Variants in TANC2 observed in about 807,000 individuals in gnomAD.
TANC2 encodes tetratricopeptide repeat, ankyrin repeat and coiled-coil containing 2, also known as protein TANC2.
TANC2 carries 26 observed loss-of-function variants against 210.5 expected under a neutral mutation model. That is an observed-to-expected ratio of 0.12 (90% CI 0.09 to 0.17). TANC2 has a LOEUF of 0.17. Among genes scored for constraint, TANC2 ranks in the 10% least tolerant of loss-of-function variants. The pLI is 1.00. For missense variants in TANC2, 2,129 were observed against 2,608.9 expected, an observed-to-expected ratio of 0.82 and a Z score of 4.01; for synonymous variants, 931 against 967.1, an observed-to-expected ratio of 0.96 and a Z score of 0.69.
In TANC2 at chr17:63,412,800, A is replaced by T; in HGVS notation, c.3928+91A>T. 1.4e-6 allele frequency: 2 copies of T among 1,421,126 alleles called. No homozygotes were observed. Among genetic ancestry groups the T allele is most frequent in the Admixed American group, 2.4e-5 (1 of 40,900 alleles). The allele number at this position is 1,421,126 out of a possible 1,614,324, so 88.0% of individuals were successfully genotyped here. ...TTGGTTTAGCCTGCATGAGTTCCCT[A>T]CACCTCTAATCTTTTAATTTACTTC... On this transcript the variant is annotated intron_variant, in intron 24 of 27. Transcript: ENST00000689528. The surrounding 1 kb of genome is among the most constrained non-coding windows in gnomAD (Gnocchi z 4.2).
intron 14 of TANC2, among the ~76,000 whole-genome samples, chr17:63,356,491 G>A (rs762471241): frequency 6.6e-6 from 1 of 152,136 alleles, no homozygotes; most frequent in Non-Finnish European, 1.5e-5. Context: ...GCCCTTCACC[G>A]TGTCCTTCAC....
chr17:63,363,811 G>A (rs773445855), intron 14 of TANC2, among the ~76,000 whole-genome samples: 2 of 152,128 alleles, frequency 1.3e-5, no homozygotes, highest in Non-Finnish European at 2.9e-5. Flanking sequence ...TCTTGCTTAG[G>A]ATAGCTTTGG....
rs181397580 is a variant in TANC2, at chr17:63,195,044, A to G, written c.582+905A>G. Reference sequence around the variant, plus strand: ...TAGTGAAGAGTCTATATCACATACTACTTTTGTTACAATGAGATATACAAG... The same window carrying G: ...TAGTGAAGAGTCTATATCACATACTGCTTTTGTTACAATGAGATATACAAG... On this transcript the variant is annotated intron_variant, in intron 6 of 27. Coordinates refer to ENST00000689528, the Ensembl canonical transcript of TANC2. Among the ~76,000 whole-genome samples, 5 of 152,244 alleles carry G rather than the reference A, an allele frequency of 3.3e-5. No homozygotes were observed. The East Asian group carries it at 9.6e-4, about 29-fold the overall frequency.
chr17:63,352,925 T>G (rs1485917628), intron 13 of TANC2, among the ~76,000 whole-genome samples: 1 of 151,900 alleles, frequency 6.6e-6, no homozygotes, highest in Non-Finnish European at 1.5e-5. Context: ...AAAAAACAAA[T>G]GAGCAAAAAG....
chr17:63,022,677 T>G (rs2034399042), intron 2 of TANC2, among the ~76,000 whole-genome samples: 1 of 152,168 alleles, frequency 6.6e-6, no homozygotes, highest in Non-Finnish European at 1.5e-5. Flanking sequence ...TTGAGAGACC[T>G]TGGAGGCTGT....
chr17:63,285,718 CAT>C (rs1567882274), intron 9 of TANC2, among the ~76,000 whole-genome samples: 2 of 152,190 alleles, frequency 1.3e-5, no homozygotes, highest in South Asian at 2.1e-4. Context: ...GTTGTGACAA[CAT>C]GTGTGAAATA....
At chr17:62,987,554 G>A (rs955888376) in intron 1 of TANC2, among the ~76,000 whole-genome samples, 7 of 152,340 alleles carry the variant, frequency 4.6e-5, no homozygotes, top group African/African-American at 1.4e-4. Context: ...TGTGGTGGCA[G>A]TGGGGACTAG....
chr17:63,257,963 A>G (rs2043246505), intron 8 of TANC2, among the ~76,000 whole-genome samples: 1 of 152,158 alleles, frequency 6.6e-6, no homozygotes, highest in Admixed American at 6.5e-5. Flanking sequence ...TGTACCTAAG[A>G]TAATTTCTTA....
intron 5 of TANC2, among the ~76,000 whole-genome samples, chr17:63,184,692 C>CGCCCATGCTGGAGTGCAATG (rs1458115246): frequency 1.4e-5 from 2 of 145,670 alleles, no homozygotes; most frequent in Non-Finnish European, 3.0e-5. Context: ...CTTGCTCTGT[C>CGCCCATGCTGGAGTGCAATG]GCCCATGCTG....
intron 4 of TANC2, among the ~76,000 whole-genome samples, chr17:63,147,312 T>C (rs112578419): frequency 6.6e-6 from 1 of 151,968 alleles, no homozygotes; most frequent in African/African-American, 2.4e-5. Flanking sequence ...ATCACACCAC[T>C]GCACTCTCGC....
chr17:63,262,704 G>A (rs1173980138), intron 8 of TANC2, among the ~76,000 whole-genome samples: 5 of 151,774 alleles, frequency 3.3e-5, no homozygotes, highest in East Asian at 1.9e-4. Flanking sequence ...GTTAAAGCAG[G>A]AGGCATTGGA....
chr17:63,327,490 G>T (rs565573239), intron 11 of TANC2, among the ~76,000 whole-genome samples: 1 of 152,228 alleles, frequency 6.6e-6, no homozygotes, highest in East Asian at 1.9e-4. Context: ...CTTTAAGTGT[G>T]TTATTTTTTT....
chr17:63,332,519 T>C, intron 11 of TANC2: 1 of 393,260 alleles, frequency 2.5e-6, no homozygotes, highest in Admixed American at 2.8e-5. Context: ...CCCCACTGGA[T>C]TTAGAAATGC....
At chr17:63,064,865 C>CT (rs571504948) in intron 2 of TANC2, among the ~76,000 whole-genome samples, 8,257 of 145,256 alleles carry the variant, frequency 0.057, 248 homozygotes, top group Non-Finnish European at 0.067. Context: ...ATGTCTCAAA[C>CT]TTTTTTTTTT....
At chr17:63,358,376 A>AGT (rs1555641221) in intron 14 of TANC2, among the ~76,000 whole-genome samples, 31 of 81,044 alleles carry the variant, frequency 3.8e-4, no homozygotes, top group Admixed American at 2.7e-3. Flanking sequence ...AGAGAGAGAG[A>AGT]GTATGTGTGT....
At chr17:63,009,511 A>T in intron 1 of TANC2, 26 bp from the exon 2 acceptor site, 1 of 1,547,956 alleles carries the variant, frequency 6.5e-7, no homozygotes. Flanking sequence ...TTTCTTAAAC[A>T]CATTTTCCTA....
intron 2 of TANC2, among the ~76,000 whole-genome samples, chr17:63,033,775 A>G (rs2034865689): frequency 6.6e-6 from 1 of 152,154 alleles, no homozygotes; most frequent in Non-Finnish European, 1.5e-5. Context: ...TGGGTTATCC[A>G]GGGGATGTTA....
chr17:63,109,294 A>G (rs2037944115), intron 4 of TANC2, among the ~76,000 whole-genome samples: 1 of 151,730 alleles, frequency 6.6e-6, no homozygotes, highest in Non-Finnish European at 1.5e-5. Flanking sequence ...TAATAGAGCA[A>G]TCTTTGATAG....
At chr17:63,310,252 G>A (rs1028609711) in intron 9 of TANC2, among the ~76,000 whole-genome samples, 2 of 152,120 alleles carry the variant, frequency 1.3e-5, no homozygotes, top group African/African-American at 4.8e-5. Flanking sequence ...TTCGAGACCA[G>A]CCTGGCCAAC....
Sources: gnomAD v4.1 joint callset for allele counts (sites outside exome capture counted in the v4.1 genomes callset) on GRCh38, gnomAD v4.1.1 for gene constraint, Gnocchi (gnomAD v3.1) non-coding constraint, MANE v1.5 for transcripts, NCBI Gene and HGNC (gene_info 2026-07-23, HGNC 2026-07-21) for gene names.